NPAS3: variants seen among roughly 807,000 people sequenced by gnomAD.
The protein encoded by NPAS3 is neuronal PAS domain protein 3, also known as neuronal PAS domain-containing protein 3.
In NPAS3, 14 loss-of-function variants were observed where a neutral mutation model predicts 73.1. The observed-to-expected ratio is 0.19, with a 90% CI of 0.13 to 0.30. The LOEUF (loss-of-function observed/expected upper bound fraction) is 0.30. Among genes scored for constraint, NPAS3 ranks in the 10% least tolerant of loss-of-function variants. The probability of loss-of-function intolerance (pLI) is 1.00; values close to 1 mark genes in which losing one functional copy is unlikely to be tolerated. For missense variants in NPAS3, 1,096 were observed against 1,250.0 expected (o/e 0.88, Z 1.86); for synonymous variants, 620 against 541.5 (o/e 1.14, Z -2.01).
chr14:33,047,895 A>G (rs2040565215), intron 1 of NPAS3, among the ~76,000 whole-genome samples: 1 of 152,208 alleles, frequency 6.6e-6, no homozygotes, highest in Admixed American at 6.5e-5. Flanking sequence ...TCTGAAAGCT[A>G]TCCATCTGAG....
chr14:33,264,390 G>A (rs996446499), intron 3 of NPAS3, among the ~76,000 whole-genome samples: 3 of 151,996 alleles, frequency 2.0e-5, no homozygotes, highest in African/African-American at 4.8e-5. Flanking sequence ...CCTGCATGCT[G>A]TGCACCTATG....
chr14:33,703,880 C>T (rs1486794368), intron 6 of NPAS3, among the ~76,000 whole-genome samples: 5 of 152,182 alleles, frequency 3.3e-5, no homozygotes, highest in African/African-American at 9.7e-5. Flanking sequence ...GCCAGGATTT[C>T]AACCCAGTAG....
rs34556992 is a variant in NPAS3, at chr14:33,502,272, ATT to A, written c.469-57840_469-57839del. Among the ~76,000 whole-genome samples the A allele has an allele frequency of 5.2e-4, 78 of 149,782 alleles. 1 individual carries two copies. The highest frequency in any genetic ancestry group is 1.8e-3 in the African/African-American group (74 of 40,844). On this transcript the variant is annotated intron_variant, in intron 4 of 11. Coordinates refer to ENST00000356141, the Ensembl canonical transcript of NPAS3. ...AGTGCATTTTCTATGGCTCTCCCCCATTTTTTTTTTAACACTTTGGCTTTTTC... is the reference window on the plus strand; with the variant it reads ...AGTGCATTTTCTATGGCTCTCCCCCATTTTTTTTAACACTTTGGCTTTTTC...
intron 3 of NPAS3, among the ~76,000 whole-genome samples, chr14:33,335,956 T>A (rs899222890): frequency 1.3e-5 from 2 of 152,220 alleles, no homozygotes; most frequent in Non-Finnish European, 2.9e-5. Context: ...TGAATAGATT[T>A]CTAGTAGTGA....
intron 2 of NPAS3, among the ~76,000 whole-genome samples, chr14:33,102,564 CTGTT>C (rs2042607272): frequency 6.6e-6 from 1 of 152,094 alleles, no homozygotes; most frequent in South Asian, 2.1e-4. Flanking sequence ...TAAATGTTAA[CTGTT>C]TGTATTATTT....
intron 6 of NPAS3, among the ~76,000 whole-genome samples, chr14:33,725,573 T>G (rs972097019): frequency 6.6e-6 from 1 of 152,092 alleles, no homozygotes. Context: ...GAATTCACCC[T>G]CTGAACAAAG....
intron 6 of NPAS3, among the ~76,000 whole-genome samples, chr14:33,717,081 G>A (rs36113832): frequency 0.084 from 12,765 of 151,446 alleles, 720 homozygotes; most frequent in Middle Eastern, 0.17. Flanking sequence ...TGAGTAGAGA[G>A]GGAATGGGAG....
At chr14:33,253,959 A>G (rs76661113) in intron 3 of NPAS3, among the ~76,000 whole-genome samples, 2 of 152,240 alleles carry the variant, frequency 1.3e-5, no homozygotes, top group African/African-American at 4.8e-5. Flanking sequence ...GCTAAGTAGA[A>G]GAAATCACCA....
intron 9 of NPAS3, among the ~76,000 whole-genome samples, chr14:33,779,716 G>C (rs1183800475): frequency 6.6e-6 from 1 of 152,148 alleles, no homozygotes; most frequent in Non-Finnish European, 1.5e-5. Flanking sequence ...TAGCCCAAGT[G>C]TGTAGTAGGC....
At chr14:33,404,252 C>G (rs148265663) in intron 4 of NPAS3, among the ~76,000 whole-genome samples, 23 of 152,120 alleles carry the variant, frequency 1.5e-4, no homozygotes, top group African/African-American at 5.3e-4. Flanking sequence ...TGCTATACTA[C>G]GTGTGGTAGG....
intron 3 of NPAS3, among the ~76,000 whole-genome samples, chr14:33,363,918 C>T (rs901464549): frequency 2.8e-5 from 1 of 36,262 alleles, no homozygotes; most frequent in Non-Finnish European, 6.9e-5. Flanking sequence ...TTTAGCAATG[C>T]CCTCTGTGTG....
chr14:32,977,574 A>G (rs2037739859), intron 1 of NPAS3, among the ~76,000 whole-genome samples: 1 of 151,944 alleles, frequency 6.6e-6, no homozygotes, highest in African/African-American at 2.4e-5. Flanking sequence ...TCTACTGAAA[A>G]CAAAAAAATT....
intron 5 of NPAS3, among the ~76,000 whole-genome samples, chr14:33,588,870 C>G (rs557316497): frequency 1.3e-5 from 2 of 152,280 alleles, no homozygotes; most frequent in African/African-American, 2.4e-5. Flanking sequence ...ACCGGCCCAC[C>G]TCAGCCTCCC....
intron 2 of NPAS3, among the ~76,000 whole-genome samples, chr14:33,126,055 G>T (rs2043414868): frequency 6.6e-6 from 1 of 152,194 alleles, no homozygotes; most frequent in Non-Finnish European, 1.5e-5. Context: ...ATGGGCCATA[G>T]ATACCTCACG....
At chr14:33,684,124 G>A (rs1737543821) in intron 6 of NPAS3, among the ~76,000 whole-genome samples, 1 of 152,028 alleles carries the variant, frequency 6.6e-6, no homozygotes, top group Admixed American at 6.5e-5. Flanking sequence ...AGATAGATAG[G>A]TCCCTGGTAG....
At chr14:33,270,319 G>T (rs905851549) in intron 3 of NPAS3, among the ~76,000 whole-genome samples, 1 of 152,016 alleles carries the variant, frequency 6.6e-6, no homozygotes, top group Non-Finnish European at 1.5e-5. Flanking sequence ...AAAAGGAAGG[G>T]GTAGTAGAAA....
At chr14:33,077,961 A>T (rs1264711984) in intron 2 of NPAS3, among the ~76,000 whole-genome samples, 1 of 151,580 alleles carries the variant, frequency 6.6e-6, no homozygotes, top group Non-Finnish European at 1.5e-5. Context: ...AACATGGTGA[A>T]ACCCCGTCTC....
intron 4 of NPAS3, among the ~76,000 whole-genome samples, chr14:33,380,817 G>A (rs2046514656): frequency 1.3e-5 from 2 of 152,202 alleles, no homozygotes; most frequent in South Asian, 4.1e-4. Context: ...TCAGGTCGGA[G>A]CAGCTCTTTC....
At chr14:33,360,949 C>T (rs2045572024) in intron 3 of NPAS3, among the ~76,000 whole-genome samples, 1 of 152,070 alleles carries the variant, frequency 6.6e-6, no homozygotes, top group Non-Finnish European at 1.5e-5. Flanking sequence ...TGCTGTCACT[C>T]CAAACAGCAG....
Sources: allele counts gnomAD v4.1 joint callset (sites outside exome capture counted in the v4.1 genomes callset), GRCh38; gene constraint gnomAD v4.1.1; transcripts MANE v1.5; gene names NCBI Gene and HGNC (gene_info 2026-07-23, HGNC 2026-07-21).